The following TYW1B variants were observed in gnomAD, a reference collection of about 807,000 sequenced individuals.
The protein encoded by TYW1B is S-adenosyl-L-methionine-dependent tRNA 4-demethylwyosine synthase TYW1B.
Under a neutral mutation model 86.9 loss-of-function variants are expected in TYW1B, and 73 were observed. The ratio of observed to expected loss-of-function variants is 0.84; its 90% confidence interval spans 0.70 to 1.02. TYW1B has a LOEUF of 1.02. TYW1B is among the 50% of genes least tolerant of loss of function. The pLI, the probability that TYW1B is intolerant of heterozygous loss-of-function variation, is 0.00. For missense variants in TYW1B, 637 were observed against 827.4 expected, an observed-to-expected ratio of 0.77 and a Z score of 2.82; for synonymous variants, 248 against 292.8, an observed-to-expected ratio of 0.85 and a Z score of 1.56.
At position 72,821,484 on chromosome 7, in the gene TYW1B, A is replaced by C. The variant is rs533554988; in HGVS notation, c.135+5371T>G. Among the ~76,000 whole-genome samples, 30 of 152,370 alleles carry C rather than the reference A, an allele frequency of 2.0e-4. No homozygotes were observed. In the East Asian group the frequency reaches 3.7e-3, roughly 19 times the overall value. Reference sequence around the variant, plus strand: ...TCTGTAATCCTCATTTTTTCCCTTAAAAATCTTTGCCTTCCTTTACTTCCC... The same window carrying C: ...TCTGTAATCCTCATTTTTTCCCTTACAAATCTTTGCCTTCCTTTACTTCCC... On this transcript the variant is annotated intron_variant, in intron 2 of 13. Coordinates refer to ENST00000620995, the MANE Select transcript of TYW1B (RefSeq NM_001145440.3).
At position 72,815,406 on chromosome 7, in the gene TYW1B, C is replaced by T; in HGVS notation, c.211G>A (p.Asp71Asn). 1 of 1,606,608 alleles carries T rather than the reference C, an allele frequency of 6.2e-7. No individual in the cohort carries two copies. The highest frequency in any genetic ancestry group is 8.5e-7 in the Non-Finnish European group (1 of 1,178,314). The change falls in exon 3 of 14, where the codon GAT becomes AAT. Residue 71 changes from aspartate (D) to asparagine (N), a missense_variant. By Grantham distance (23) the Asp-to-Asn change is conservative (BLOSUM62 1). Transcript: ENST00000620995. ...TCTTCTATCAGATGATCATCTGGAT[C>T]ATATTCTTTTAGATTAATAATGGCC... is the stretch of plus-strand genomic sequence containing the variant. ...PVAIINLKEY[D>N]PDDHLIEEVT...
At chr7:72,819,287 G>A (rs1202930340) in intron 2 of TYW1B, among the ~76,000 whole-genome samples, 1 of 152,146 alleles carries the variant, frequency 6.6e-6, no homozygotes, top group Non-Finnish European at 1.5e-5. Context: ...GCAGAGGGAT[G>A]ACATGATTTC....
At chr7:72,610,491 T>A (rs532620610) in intron 13 of TYW1B, among the ~76,000 whole-genome samples, 58 of 151,832 alleles carry the variant, frequency 3.8e-4, no homozygotes, top group Non-Finnish European at 6.6e-4. Flanking sequence ...TCGTTAATGG[T>A]CCTCATTTAA....
At chr7:72,814,307 G>A (rs1182589990) in intron 3 of TYW1B, among the ~76,000 whole-genome samples, 19 of 151,828 alleles carry the variant, frequency 1.3e-4, no homozygotes, top group South Asian at 6.2e-4. Context: ...TCTTTTGGCC[G>A]GGCACGGTGG....
intron 8 of TYW1B, among the ~76,000 whole-genome samples, chr7:72,733,428 G>A (rs1787147246): frequency 6.6e-6 from 1 of 152,182 alleles, no homozygotes; most frequent in Admixed American, 6.6e-5. Flanking sequence ...CGGAGGCCAA[G>A]GCGGGCGGAT....
intron 11 of TYW1B, among the ~76,000 whole-genome samples, chr7:72,687,190 CT>C (rs1814027543): frequency 6.6e-6 from 1 of 152,002 alleles, no homozygotes; most frequent in Admixed American, 6.6e-5. Flanking sequence ...AATCCCAGAA[CT>C]TTGGGAGGGT....
chr7:72,699,742 C>T (rs1394387453), intron 10 of TYW1B, among the ~76,000 whole-genome samples: 8 of 151,846 alleles, frequency 5.3e-5, no homozygotes, highest in Non-Finnish European at 1.0e-4. Flanking sequence ...CTCCACCTCC[C>T]GGGTTCAAGC....
intron 13 of TYW1B, among the ~76,000 whole-genome samples, chr7:72,588,322 CA>C (rs1554430818): frequency 6.6e-6 from 1 of 152,210 alleles, no homozygotes; most frequent in African/African-American, 2.4e-5. Context: ...TCAGCGTTAC[CA>C]AAATGCCAAT....
At chr7:72,692,205 C>CAAAA (rs1168197742) in intron 11 of TYW1B, among the ~76,000 whole-genome samples, 44 of 62,736 alleles carry the variant, frequency 7.0e-4, no homozygotes, top group Admixed American at 1.0e-3. Flanking sequence ...GACTCCATCT[C>CAAAA]AAAAAAAAAA....
At chr7:72,604,782 C>A (rs1811756028) in intron 13 of TYW1B, among the ~76,000 whole-genome samples, 1 of 152,210 alleles carries the variant, frequency 6.6e-6, no homozygotes, top group Non-Finnish European at 1.5e-5. Flanking sequence ...AGAGGCCCAC[C>A]CTCCCCTGTA....
intron 11 of TYW1B, among the ~76,000 whole-genome samples, chr7:72,689,893 T>C (rs1435419486): frequency 6.6e-6 from 1 of 152,210 alleles, no homozygotes; most frequent in Non-Finnish European, 1.5e-5. Context: ...GAAATGTTTG[T>C]TTTTTAATTT....
intron 5 of TYW1B, among the ~76,000 whole-genome samples, chr7:72,804,819 G>A (rs1407425760): frequency 3.9e-5 from 6 of 152,180 alleles, no homozygotes; most frequent in Non-Finnish European, 5.9e-5. Context: ...CTGGGGGACA[G>A]ACTAGCCCGT....
At chr7:72,804,771 T>TAG (rs1203107237) in intron 5 of TYW1B, among the ~76,000 whole-genome samples, 4 of 152,040 alleles carry the variant, frequency 2.6e-5, no homozygotes, top group Admixed American at 2.6e-4. Context: ...GCCCAGGAGT[T>TAG]AGAGGCTGCA....
Position 72,811,642 on chromosome 7 carries a change from T to G in TYW1B, c.238-977A>C, listed in dbSNP as rs572346381. ...GGCAGTGGATGTTGGCTGGGCCCAG[T>G]GGCTCATACCTGTAATCCCAGGACT... On this transcript the variant is annotated intron_variant, in intron 3 of 13. Transcript: ENST00000620995. Among the ~76,000 whole-genome samples the G allele has an allele frequency of 4.7e-4, 72 of 152,080 alleles. No homozygotes were observed. In the Middle Eastern group the frequency reaches 0.014, roughly 29 times the overall value.
intron 13 of TYW1B, among the ~76,000 whole-genome samples, chr7:72,591,313 A>G (rs1554431349): frequency 6.6e-6 from 1 of 152,078 alleles, no homozygotes; most frequent in African/African-American, 2.4e-5. Flanking sequence ...AAATTTAATG[A>G]AAGACATAAA....
intron 7 of TYW1B, among the ~76,000 whole-genome samples, chr7:72,766,947 A>G (rs1554468559): frequency 3.3e-5 from 5 of 152,144 alleles, no homozygotes; most frequent in Non-Finnish European, 7.3e-5. Flanking sequence ...ATAAATAAAA[A>G]TAACTACAGG....
intron 7 of TYW1B, among the ~76,000 whole-genome samples, chr7:72,771,108 G>A (rs1787859983): frequency 6.6e-6 from 1 of 151,652 alleles, no homozygotes; most frequent in African/African-American, 2.4e-5. Context: ...GATTACAGAC[G>A]CCCACCAGGA....
intron 11 of TYW1B, among the ~76,000 whole-genome samples, chr7:72,675,539 GTATA>G (rs57288719): frequency 9.0e-5 from 13 of 144,514 alleles, no homozygotes; most frequent in East Asian, 5.9e-4. Context: ...AGTGATGTCA[GTATA>G]TATATATATA....
intron 8 of TYW1B, among the ~76,000 whole-genome samples, chr7:72,734,505 CT>C (rs1219964133): frequency 6.6e-6 from 1 of 152,144 alleles, no homozygotes; most frequent in Non-Finnish European, 1.5e-5. Context: ...AAATTACCTA[CT>C]GTGAAAACAC....
Sources: gnomAD v4.1 joint callset for allele counts (sites outside exome capture counted in the v4.1 genomes callset) on GRCh38, gnomAD v4.1.1 for gene constraint, MANE v1.5 for transcripts, NCBI Gene and HGNC (gene_info 2026-07-23, HGNC 2026-07-21) for gene names.